Variants in CCSER1 observed in about 807,000 individuals in gnomAD.
CCSER1 encodes coiled-coil serine rich protein 1.
Under a neutral mutation model 82.0 loss-of-function variants are expected in CCSER1, and 41 were observed. The observed-to-expected ratio is 0.50, with a 90% CI of 0.39 to 0.65. The LOEUF (loss-of-function observed/expected upper bound fraction) is 0.65, where lower values mean the gene tolerates loss of function less well. Ranked by LOEUF, CCSER1 falls within the 30% of genes least tolerant of loss-of-function variation. The pLI is 0.00. For synonymous variants in CCSER1, 414 were observed against 383.9 expected (o/e 1.08, Z -0.92); for missense variants, 1,119 against 1,064.2 (o/e 1.05, Z -0.72).
chr4:90,889,014 T>A (rs1231983851), intron 8 of CCSER1, among the ~76,000 whole-genome samples: 1 of 152,130 alleles, frequency 6.6e-6, no homozygotes, highest in African/African-American at 2.4e-5. Flanking sequence ...GATAGTCCAA[T>A]TTTACTGTTA....
intron 10 of CCSER1, among the ~76,000 whole-genome samples, chr4:91,304,123 G>T (rs1744871247): frequency 1.3e-5 from 2 of 151,882 alleles, no homozygotes; most frequent in African/African-American, 2.4e-5. Flanking sequence ...TAGTGATCTT[G>T]CCGACTAAAT....
chr4:91,106,641 A>C (rs1312659316), intron 10 of CCSER1, among the ~76,000 whole-genome samples: 1 of 152,236 alleles, frequency 6.6e-6, no homozygotes, highest in Non-Finnish European at 1.5e-5. Flanking sequence ...CAAAGAATAG[A>C]AACTTATGTG....
intron 10 of CCSER1, among the ~76,000 whole-genome samples, chr4:91,404,926 C>G (rs974191714): frequency 6.6e-6 from 1 of 152,162 alleles, no homozygotes; most frequent in Non-Finnish European, 1.5e-5. Flanking sequence ...TGGTGCAGAG[C>G]TGAGTTCAAT....
At chr4:91,160,073 T>C (rs1480986066) in intron 10 of CCSER1, among the ~76,000 whole-genome samples, 4 of 141,600 alleles carry the variant, frequency 2.8e-5, no homozygotes, top group African/African-American at 5.0e-5. Context: ...CAGGCCCCCA[T>C]GTGTGATGTT....
At chr4:91,099,601 A>T (rs1284026734) in intron 10 of CCSER1, among the ~76,000 whole-genome samples, 1 of 151,438 alleles carries the variant, frequency 6.6e-6, no homozygotes, top group Non-Finnish European at 1.5e-5. Flanking sequence ...GGCATGAGAC[A>T]TCAATCAAAT....
intron 10 of CCSER1, among the ~76,000 whole-genome samples, chr4:91,357,631 T>G (rs1369518752): frequency 6.6e-6 from 1 of 152,018 alleles, no homozygotes; most frequent in East Asian, 1.9e-4. Context: ...ACTTTTCTTA[T>G]ACACTTCGCA....
chr4:91,084,630 A>T (rs959956247), intron 9 of CCSER1, among the ~76,000 whole-genome samples: 2 of 152,138 alleles, frequency 1.3e-5, no homozygotes, highest in Non-Finnish European at 2.9e-5. Context: ...AAATGTTCTA[A>T]TTTTTTGTTT....
At chr4:90,274,115 A>G (rs753450452) in intron 1 of CCSER1, among the ~76,000 whole-genome samples, 9 of 152,162 alleles carry the variant, frequency 5.9e-5, no homozygotes, top group Non-Finnish European at 8.8e-5. Context: ...AGTGATTCCA[A>G]GTCTTCAACA....
chr4:91,311,663 A>T (rs1745489972), intron 10 of CCSER1, among the ~76,000 whole-genome samples: 1 of 151,926 alleles, frequency 6.6e-6, no homozygotes, highest in South Asian at 2.1e-4. Flanking sequence ...TAATCTATAA[A>T]TCATAAACTG....
chr4:90,276,251 TTTCCTTCCTTCCTTCCTTCCTTCC>T (rs1225474182), intron 1 of CCSER1, among the ~76,000 whole-genome samples: 31 of 76,842 alleles, frequency 4.0e-4, no homozygotes, highest in Admixed American at 8.7e-4. Context: ...TCTTTCTTTC[TTTCCTTCCTTCCTTCCTTCCTTCC>T]TTCCTTCCTT....
intron 6 of CCSER1, among the ~76,000 whole-genome samples, chr4:90,661,307 A>G (rs1196622289): frequency 1.3e-5 from 2 of 152,202 alleles, no homozygotes; most frequent in Non-Finnish European, 2.9e-5. Context: ...TATGACCTTT[A>G]TTCGTTATCA....
intron 8 of CCSER1, among the ~76,000 whole-genome samples, chr4:90,903,877 C>A (rs1354221279): frequency 6.6e-6 from 1 of 150,702 alleles, no homozygotes; most frequent in Non-Finnish European, 1.5e-5. Flanking sequence ...AACATAGTAA[C>A]CAACCTGAAA....
intron 9 of CCSER1, among the ~76,000 whole-genome samples, chr4:90,989,028 A>G (rs1736811421): frequency 6.6e-6 from 1 of 151,836 alleles, no homozygotes; most frequent in Non-Finnish European, 1.5e-5. Context: ...TTCACCAAGA[A>G]TTCCATTTAG....
At chr4:90,202,449 T>A (rs1458783233) in intron 1 of CCSER1, among the ~76,000 whole-genome samples, 5 of 152,118 alleles carry the variant, frequency 3.3e-5, no homozygotes, top group Admixed American at 6.6e-5. Flanking sequence ...GTGATTCACC[T>A]GCCTTGGCCT....
chr4:90,794,645 C>T (rs190638871), intron 7 of CCSER1, among the ~76,000 whole-genome samples: 28 of 152,054 alleles, frequency 1.8e-4, no homozygotes, highest in East Asian at 1.7e-3. Context: ...GATATTCAGG[C>T]GTTCTTTTTT....
At chr4:91,073,292 A>G (rs1440028352) in intron 9 of CCSER1, among the ~76,000 whole-genome samples, 1 of 152,128 alleles carries the variant, frequency 6.6e-6, no homozygotes, top group East Asian at 1.9e-4. Context: ...AAATTTCAAC[A>G]TAGCCTAGGG....
intron 9 of CCSER1, among the ~76,000 whole-genome samples, chr4:90,952,266 T>C (rs184468756): frequency 6.6e-6 from 1 of 152,244 alleles, no homozygotes; most frequent in African/African-American, 2.4e-5. Flanking sequence ...TAATTCTTTT[T>C]GTTACCATCT....
At chr4:90,797,315 C>G (rs1756173038) in intron 7 of CCSER1, among the ~76,000 whole-genome samples, 1 of 152,004 alleles carries the variant, frequency 6.6e-6, no homozygotes, top group Non-Finnish European at 1.5e-5. Context: ...CTACTTTTAT[C>G]TGTTTTCCAT....
At chr4:90,670,686 G>A (rs1732631576) in intron 6 of CCSER1, among the ~76,000 whole-genome samples, 1 of 151,976 alleles carries the variant, frequency 6.6e-6, no homozygotes, top group Admixed American at 6.6e-5. Context: ...AGATATTATT[G>A]GTTAATCAAG....
Sources: allele counts gnomAD v4.1 joint callset (sites outside exome capture counted in the v4.1 genomes callset), GRCh38; gene constraint gnomAD v4.1.1; transcripts MANE v1.5; gene names NCBI Gene and HGNC (gene_info 2026-07-23, HGNC 2026-07-21).